Variants in RABEP1 observed in about 807,000 individuals in gnomAD.
RABEP1 encodes the protein rab GTPase-binding effector protein 1.
Under a neutral mutation model 123.4 loss-of-function variants are expected in RABEP1, and 51 were observed. That is an observed-to-expected ratio of 0.41 (90% confidence interval 0.33 to 0.52). The LOEUF (loss-of-function observed/expected upper bound fraction) is 0.52. Ranked by LOEUF, RABEP1 falls within the 20% of genes least tolerant of loss-of-function variation. The pLI, the probability that RABEP1 is intolerant of heterozygous loss-of-function variation, is 0.16. For synonymous variants in RABEP1, 347 were observed against 355.2 expected, an observed-to-expected ratio of 0.98 and a Z score of 0.26; for missense variants, 888 against 996.3, an observed-to-expected ratio of 0.89 and a Z score of 1.46.
At position 5,359,097 on chromosome 17, in the gene RABEP1, G is replaced by A. The variant is rs149646774; in HGVS notation, c.1096-2111G>A. On this transcript the variant is annotated intron_variant, in intron 8 of 17. Transcript: ENST00000537505. ...TGTTTTCTTTTTTTTTTTTTGAGAC[G>A]GAGTCTCGCTCTGTTGCCCAGGCTG... 7.9e-3 allele frequency among the ~76,000 whole-genome samples: 1,164 copies of A among 146,428 alleles called. 12 individuals carry two copies. The highest frequency in any genetic ancestry group is 0.011 in the Non-Finnish European group (711 of 67,120).
chr17:5,326,593 T>C (rs1319291636), intron 2 of RABEP1, among the ~76,000 whole-genome samples: 1 of 152,124 alleles, frequency 6.6e-6, no homozygotes, highest in Admixed American at 6.6e-5. Flanking sequence ...TTAAAACCCA[T>C]AGAATGTAGC....
At chr17:5,295,573 T>C (rs1468027534) in intron 1 of RABEP1, among the ~76,000 whole-genome samples, 1 of 152,142 alleles carries the variant, frequency 6.6e-6, no homozygotes, top group South Asian at 2.1e-4. Context: ...TTCCCTCTGC[T>C]AAATCCCTGT....
At chr17:5,370,302 G>C (rs191094706) in intron 12 of RABEP1, among the ~76,000 whole-genome samples, 1 of 152,268 alleles carries the variant, frequency 6.6e-6, no homozygotes, top group East Asian at 1.9e-4. Flanking sequence ...CATGACAGTC[G>C]TAAGTATTTT....
chr17:5,308,467 C>T (rs1725768061), intron 1 of RABEP1, among the ~76,000 whole-genome samples: 1 of 152,160 alleles, frequency 6.6e-6, no homozygotes, highest in Admixed American at 6.5e-5. Flanking sequence ...CTCGGGTGAT[C>T]CGCCCGCCTC....
chr17:5,319,792 G>A (rs187342544), intron 2 of RABEP1, among the ~76,000 whole-genome samples: 6 of 152,156 alleles, frequency 3.9e-5, no homozygotes, highest in Admixed American at 3.9e-4. Flanking sequence ...TCAAGCAGAG[G>A]AAAGAAGCAG....
chr17:5,373,103 G>A (rs964431260), intron 12 of RABEP1, among the ~76,000 whole-genome samples: 1 of 152,180 alleles, frequency 6.6e-6, no homozygotes, highest in African/African-American at 2.4e-5. Context: ...TGGAGAATGA[G>A]CCTCAGATAC....
intron 11 of RABEP1, among the ~76,000 whole-genome samples, chr17:5,367,415 GCA>G (rs1910116745): frequency 6.7e-6 from 1 of 150,346 alleles, no homozygotes; most frequent in Non-Finnish European, 1.5e-5. Flanking sequence ...GGGACTACAG[GCA>G]CCCGCCACCA....
chr17:5,372,355 G>A (rs1275874051), intron 12 of RABEP1, among the ~76,000 whole-genome samples: 3 of 152,192 alleles, frequency 2.0e-5, no homozygotes, highest in Non-Finnish European at 1.5e-5. Flanking sequence ...TGAGGCAGGA[G>A]AATCACTTGA....
chr17:5,284,162 A>G (rs2074955050), intron 1 of RABEP1: 1 of 152,206 alleles, frequency 6.6e-6, no homozygotes. Flanking sequence ...TGGAATCAAA[A>G]TTCCCTGCCT....
At chr17:5,345,680 C>T (rs1037954644) in intron 5 of RABEP1, among the ~76,000 whole-genome samples, 6 of 152,330 alleles carry the variant, frequency 3.9e-5, no homozygotes, top group African/African-American at 1.4e-4. Context: ...ATGTGCTGGA[C>T]TGTCAACCTT....
Position 5,350,606 on chromosome 17 carries a change from G to A in RABEP1, c.940G>A (p.Glu314Lys). The change falls in exon 7 of 18, where the codon GAA becomes AAA. Residue 314 changes from glutamate (E) to lysine (K), a missense_variant. By Grantham distance (56) the Glu-to-Lys change is moderately conservative. Transcript: ENST00000537505. Reference sequence around the variant, plus strand: ...AACTTCAGAACAGCTCCGACAAGTTGAAGAACTGAAGAAGAAAGATCAGGT... The same window carrying A: ...AACTTCAGAACAGCTCCGACAAGTTAAAGAACTGAAGAAGAAAGATCAGGT... ...VLTSEQLRQV[E>K]ELKKKDQEDD... 6.2e-7 allele frequency: 1 copy of A among 1,613,906 alleles called. No homozygotes were observed. The highest frequency in any genetic ancestry group is 8.5e-7 in the Non-Finnish European group (1 of 1,179,950).
chr17:5,379,947 ATG>A (rs774616250), intron 15 of RABEP1, among the ~76,000 whole-genome samples: 4 of 152,058 alleles, frequency 2.6e-5, no homozygotes, highest in Non-Finnish European at 4.4e-5. Flanking sequence ...CTGTTGCTGC[ATG>A]TGTTTTTAGT....
chr17:5,368,220 AGATGTGC>A (rs1160071952), intron 11 of RABEP1, 143 bp from the exon 12 acceptor site: 1 of 612,780 alleles, frequency 1.6e-6, no homozygotes, highest in African/African-American at 1.8e-5. Context: ...TGCACATAGC[AGATGTGC>A]ATGCAGCTGT....
At chr17:5,320,521 TAAA>T in intron 2 of RABEP1, among the ~76,000 whole-genome samples, 2 of 150,750 alleles carry the variant, frequency 1.3e-5, no homozygotes, top group Admixed American at 1.3e-4. Context: ...AACTCTAGTA[TAAA>T]GCCCAAAAGA....
At position 5,286,143 on chromosome 17, in the gene RABEP1, A is replaced by G. The variant is rs555307526; in HGVS notation, c.34+3623A>G. On this transcript the variant is annotated intron_variant, in intron 1 of 17. Coordinates refer to ENST00000537505, the MANE Select transcript of RABEP1 (RefSeq NM_004703.6). ...ATATGGCAGGTGGATTTCCCCTGTA[A>G]TCCTACAAGCTCTGGATGATGTCAT... is the stretch of plus-strand genomic sequence containing the variant. Among the ~76,000 whole-genome samples, 9 of 152,304 alleles carry G rather than the reference A, an allele frequency of 5.9e-5. No individual in the cohort carries two copies. In the East Asian group the frequency reaches 1.7e-3, roughly 29 times the overall value.
At chr17:5,312,067 A>G (rs1054181690) in intron 2 of RABEP1, among the ~76,000 whole-genome samples, 2 of 152,246 alleles carry the variant, frequency 1.3e-5, no homozygotes, top group African/African-American at 4.8e-5. Flanking sequence ...TTTTGTTGAA[A>G]GAGGACTTGC....
chr17:5,310,444 C>G (rs1171601821), intron 2 of RABEP1, among the ~76,000 whole-genome samples: 1 of 151,754 alleles, frequency 6.6e-6, no homozygotes, highest in Non-Finnish European at 1.5e-5. Flanking sequence ...CCCAGCCTCC[C>G]GAGTAGCTGG....
chr17:5,339,126 A>G (rs1907351004), intron 5 of RABEP1, among the ~76,000 whole-genome samples: 1 of 152,116 alleles, frequency 6.6e-6, no homozygotes, highest in South Asian at 2.1e-4. Flanking sequence ...ACTGGGTGAC[A>G]GAGTGAGACC....
At chr17:5,298,976 G>C (rs1002192162) in intron 1 of RABEP1, among the ~76,000 whole-genome samples, 2 of 152,116 alleles carry the variant, frequency 1.3e-5, no homozygotes, top group Non-Finnish European at 2.9e-5. Flanking sequence ...TTTAAACTAG[G>C]AATCTGTGAT....
Sources: gnomAD v4.1 joint callset for allele counts (sites outside exome capture counted in the v4.1 genomes callset) on GRCh38, gnomAD v4.1.1 for gene constraint, MANE v1.5 for transcripts, NCBI Gene and HGNC (gene_info 2026-07-23, HGNC 2026-07-21) for gene names.